The following PLEKHA7 variants were observed in gnomAD, a reference collection of about 807,000 sequenced individuals.
PLEKHA7 encodes pleckstrin homology domain containing A7.
In PLEKHA7, 104 loss-of-function variants were observed where a neutral mutation model predicts 170.0. The ratio of observed to expected loss-of-function variants is 0.61; its 90% CI spans 0.52 to 0.72. The LOEUF is 0.72. PLEKHA7 is among the 30% of genes least tolerant of loss of function. The probability of loss-of-function intolerance (pLI) is 0.00; values close to 1 mark genes in which losing one functional copy is unlikely to be tolerated. For synonymous variants in PLEKHA7, 648 were observed against 660.8 expected, an observed-to-expected ratio of 0.98 and a Z score of 0.30; for missense variants, 1,615 against 1,671.7, an observed-to-expected ratio of 0.97 and a Z score of 0.59.
At chr11:16,889,327 C>T (rs1390116325) in intron 3 of PLEKHA7, among the ~76,000 whole-genome samples, 1 of 149,588 alleles carries the variant, frequency 6.7e-6, no homozygotes. Context: ...CAACCCCTTC[C>T]CCATCTCCCT....
At chr11:16,907,644 A>G (rs866917915) in intron 3 of PLEKHA7, among the ~76,000 whole-genome samples, 172 of 92,134 alleles carry the variant, frequency 1.9e-3, no homozygotes, top group Non-Finnish European at 2.4e-3. Context: ...ACTGGGAAGT[A>G]AGGAGCCCCT....
At chr11:16,841,515 T>C (rs1851956147) in intron 9 of PLEKHA7, 32 bp downstream of exon 9, 1 of 1,598,906 alleles carries the variant, frequency 6.3e-7, no homozygotes, top group South Asian at 1.1e-5. Flanking sequence ...GTGTAGGAGG[T>C]GCTGTGGCAG....
chr11:16,999,506 C>T (rs147160738), intron 3 of PLEKHA7, among the ~76,000 whole-genome samples: 7 of 152,196 alleles, frequency 4.6e-5, no homozygotes, highest in Admixed American at 2.0e-4. Flanking sequence ...AGCACATTCC[C>T]AACCCACACT....
rs377138227 is a variant in PLEKHA7 at position 16,790,852 on chromosome 11, G to C, written c.2998C>G (p.Pro1000Ala). The change falls in exon 21 of 27, where the codon CCC (proline) becomes GCC (alanine). Residue 1000 changes from proline (P) to alanine (A), a missense_variant. Physicochemically the swap from Pro to Ala is conservative, Grantham distance 27. Coordinates refer to ENST00000531066, the MANE Select transcript of PLEKHA7 (RefSeq NM_001329630.2). ...TCAGGGCCCACAAGTCCTAGGGAGGGCTGGGCCATGTCCCCGCTGAGGGTC... is the reference window on the plus strand; with the variant it reads ...TCAGGGCCCACAAGTCCTAGGGAGGCCTGGGCCATGTCCCCGCTGAGGGTC... ...LATLSGDMAQ[P>A]SLGLVGPESR... The C allele has an allele frequency of 3.1e-6, 5 of 1,610,400 alleles. No individual in the cohort carries two copies. In the South Asian group the frequency reaches 5.5e-5, roughly 18 times the overall value.
At chr11:16,979,701 A>T (rs1214449028) in intron 3 of PLEKHA7, among the ~76,000 whole-genome samples, 1 of 151,996 alleles carries the variant, frequency 6.6e-6, no homozygotes, top group Non-Finnish European at 1.5e-5. Context: ...GGCCCTACAA[A>T]GTCAGCAAGA....
intron 3 of PLEKHA7, among the ~76,000 whole-genome samples, chr11:16,941,347 G>C (rs1392361524): frequency 6.6e-6 from 1 of 152,122 alleles, no homozygotes; most frequent in African/African-American, 2.4e-5. Context: ...CTATCTTTGG[G>C]CTGCTCTATT....
intron 3 of PLEKHA7, among the ~76,000 whole-genome samples, chr11:16,960,750 G>A (rs1163508283): frequency 1.3e-5 from 2 of 152,154 alleles, no homozygotes; most frequent in East Asian, 1.9e-4. Flanking sequence ...AACAACGACT[G>A]TGTAACAGCT....
At chr11:16,979,216 G>A (rs1038201283) in intron 3 of PLEKHA7, among the ~76,000 whole-genome samples, 3 of 152,148 alleles carry the variant, frequency 2.0e-5, no homozygotes, top group Admixed American at 2.0e-4. Flanking sequence ...TTTTAGTAGA[G>A]ACGGGATTTC....
chr11:16,896,208 C>T (rs1207651459), intron 3 of PLEKHA7, among the ~76,000 whole-genome samples: 2 of 152,232 alleles, frequency 1.3e-5, no homozygotes, highest in Non-Finnish European at 2.9e-5. Context: ...ATTAAATCAA[C>T]ATATTCCAAA....
At chr11:16,823,011 T>TTTG (rs2134869054) in intron 10 of PLEKHA7, among the ~76,000 whole-genome samples, 2 of 152,230 alleles carry the variant, frequency 1.3e-5, no homozygotes, top group East Asian at 3.9e-4. Flanking sequence ...ATTTATTTTT[T>TTTG]GGAGACAGGT....
chr11:16,944,160 C>T (rs1860869065), intron 3 of PLEKHA7, among the ~76,000 whole-genome samples: 1 of 151,634 alleles, frequency 6.6e-6, no homozygotes, highest in Non-Finnish European at 1.5e-5. Flanking sequence ...TCGAGACTAG[C>T]CTGGCCAACA....
intron 3 of PLEKHA7, among the ~76,000 whole-genome samples, chr11:16,985,582 G>A (rs937157576): frequency 6.6e-6 from 1 of 152,200 alleles, no homozygotes; most frequent in Admixed American, 6.5e-5. Context: ...AGCCTAAGAG[G>A]GGCAGGGAAG....
intron 3 of PLEKHA7, among the ~76,000 whole-genome samples, chr11:16,981,185 A>C (rs1863406423): frequency 6.6e-6 from 1 of 152,192 alleles, no homozygotes; most frequent in Non-Finnish European, 1.5e-5. Flanking sequence ...ACCAGGACAT[A>C]AGATTAAAAT....
intron 3 of PLEKHA7, among the ~76,000 whole-genome samples, chr11:16,960,469 C>T (rs575518372): frequency 1.3e-5 from 2 of 152,282 alleles, no homozygotes; most frequent in East Asian, 1.9e-4. Flanking sequence ...ACACACCCCA[C>T]CCACCTCCAC....
chr11:16,817,691 T>C lies in PLEKHA7; in HGVS notation c.1344-369A>G, dbSNP rs966090742. Among the ~76,000 whole-genome samples the C allele has an allele frequency of 1.4e-4, 21 of 152,226 alleles. No individual in the cohort carries two copies. Among genetic ancestry groups the C allele is most frequent in the African/African-American group, 4.3e-4 (18 of 41,456 alleles). ...CTCCAAGTTACCAAGATTTTCTCTCTGCCTGGTATCCTTAGCACCAAGTTC... is the reference window on the plus strand; with the variant it reads ...CTCCAAGTTACCAAGATTTTCTCTCCGCCTGGTATCCTTAGCACCAAGTTC... On this transcript the variant is annotated intron_variant, in intron 10 of 26. Coordinates refer to ENST00000531066, the MANE Select transcript of PLEKHA7 (RefSeq NM_001329630.2). This position sits in a 1 kb window ranked among gnomAD's most constrained non-coding sequence, Gnocchi z 4.4.
chr11:16,913,015 C>T (rs896803204), intron 3 of PLEKHA7, among the ~76,000 whole-genome samples: 3 of 152,140 alleles, frequency 2.0e-5, no homozygotes, highest in African/African-American at 4.8e-5. Context: ...AATGGACCCA[C>T]GCTAAGAAAG....
chr11:16,828,785 G>A (rs1026544144), intron 9 of PLEKHA7, among the ~76,000 whole-genome samples: 4 of 152,156 alleles, frequency 2.6e-5, no homozygotes, highest in African/African-American at 7.2e-5. Flanking sequence ...CAGTCTCAGT[G>A]ACTGGTTCAG....
intron 3 of PLEKHA7, among the ~76,000 whole-genome samples, chr11:16,969,174 C>G (rs1183375131): frequency 1.3e-5 from 2 of 152,134 alleles, no homozygotes; most frequent in Non-Finnish European, 2.9e-5. Flanking sequence ...CCCGCCACTC[C>G]CAAATGTCAG....
At chr11:16,913,441 G>A (rs868653056) in intron 3 of PLEKHA7, among the ~76,000 whole-genome samples, 4 of 152,106 alleles carry the variant, frequency 2.6e-5, no homozygotes, top group Admixed American at 1.3e-4. Flanking sequence ...TCCCAGTCTC[G>A]ACAGCAGTAG....
Sources: gnomAD v4.1 joint callset for allele counts (sites outside exome capture counted in the v4.1 genomes callset) on GRCh38, gnomAD v4.1.1 for gene constraint, Gnocchi (gnomAD v3.1) non-coding constraint, MANE v1.5 for transcripts, NCBI Gene and HGNC (gene_info 2026-07-23, HGNC 2026-07-21) for gene names.